PPP4R1: variants seen among roughly 807,000 people sequenced by gnomAD.
PPP4R1 encodes the protein protein phosphatase 4 regulatory subunit 1, also known as serine/threonine-protein phosphatase 4 regulatory subunit 1.
Under a neutral mutation model 111.2 loss-of-function variants are expected in PPP4R1, and 42 were observed. The observed-to-expected ratio is 0.38, with a 90% CI of 0.29 to 0.49. The LOEUF is 0.49. Among genes scored for constraint, PPP4R1 ranks in the 20% least tolerant of loss-of-function variants. PPP4R1 has a pLI of 0.97. For missense variants in PPP4R1, 1,012 were observed against 1,161.6 expected, an observed-to-expected ratio of 0.87 and a Z score of 1.87; for synonymous variants, 409 against 405.5, an observed-to-expected ratio of 1.01 and a Z score of -0.10.
chr18:9,617,081 A>G (rs2067694502), upstream of PPP4R1: 2 of 152,172 alleles, frequency 1.3e-5, no homozygotes, highest in South Asian at 4.1e-4. Flanking sequence ...TCTAAGAAAT[A>G]ATATTTAAAC....
At chr18:9,567,621 T>C (rs1255895136) in intron 11 of PPP4R1, among the ~76,000 whole-genome samples, 1 of 152,178 alleles carries the variant, frequency 6.6e-6, no homozygotes, top group African/African-American at 2.4e-5. Context: ...ATTGTTGAAA[T>C]GACAACAAAA....
chr18:9,556,654 C>G (rs1448072236), intron 15 of PPP4R1, among the ~76,000 whole-genome samples: 1 of 152,248 alleles, frequency 6.6e-6, no homozygotes, highest in Non-Finnish European at 1.5e-5. Context: ...CACAGCTCCT[C>G]TATCAAAGTA....
chr18:9,595,189 T>A, intron 2 of PPP4R1, 36 bp from the exon 3 acceptor site: 1 of 1,600,672 alleles, frequency 6.2e-7, no homozygotes, highest in Non-Finnish European at 8.5e-7. Flanking sequence ...TTATAACACT[T>A]TGAAACTAAA....
At chr18:9,548,703 G>A (rs1468569772) in intron 19 of PPP4R1, among the ~76,000 whole-genome samples, 2 of 152,134 alleles carry the variant, frequency 1.3e-5, no homozygotes, top group Non-Finnish European at 2.9e-5. Context: ...GATCACATGA[G>A]GTCAGGAGTT....
Position 9,584,585 on chromosome 18 carries a change from C to T in PPP4R1, c.694-5G>A. On this transcript the variant is annotated splice_polypyrimidine_tract_variant and splice_region_variant and intron_variant, in intron 7 of 19. Transcript: ENST00000400556. ...TCCAAAATTGGCAGCACAGACCTGA[C>T]AACAAAAGCATCATTGACATTTCAA... The T allele has an allele frequency of 6.2e-7, 1 of 1,610,750 alleles. No homozygotes were observed. The highest frequency in any genetic ancestry group is 8.5e-7 in the Non-Finnish European group (1 of 1,178,872).
intron 15 of PPP4R1, among the ~76,000 whole-genome samples, chr18:9,554,567 TA>T (rs796274028): frequency 1.1e-4 from 17 of 148,274 alleles, no homozygotes; most frequent in South Asian, 2.1e-4. Flanking sequence ...GTAATTTAAT[TA>T]AAAAAAAAAG....
chr18:9,556,435 T>C lies in PPP4R1; in HGVS notation c.2190+786A>G, dbSNP rs921346197. Among the ~76,000 whole-genome samples the C allele has an allele frequency of 5.9e-5, 9 of 152,160 alleles. No individual in the cohort carries two copies. In the South Asian group the frequency reaches 1.4e-3, roughly 25 times the overall value. Reference sequence around the variant, plus strand: ...CTCAACCTCCTGACCTCAAGTGATCTGCCCGCCTCAGCCTCCCAAAGTGCT... The same window carrying C: ...CTCAACCTCCTGACCTCAAGTGATCCGCCCGCCTCAGCCTCCCAAAGTGCT... On this transcript the variant is annotated intron_variant, in intron 15 of 19. Transcript: ENST00000400556.
At chr18:9,581,351 A>C (rs1472868303) in intron 9 of PPP4R1, among the ~76,000 whole-genome samples, 1 of 152,180 alleles carries the variant, frequency 6.6e-6, no homozygotes, top group African/African-American at 2.4e-5. Context: ...GTGCTGCATC[A>C]ACTAGAGTAT....
chr18:9,566,690 C>CGT (rs2066772881), intron 11 of PPP4R1, among the ~76,000 whole-genome samples: 2 of 136,748 alleles, frequency 1.5e-5, no homozygotes, highest in Non-Finnish European at 3.2e-5. Context: ...CACACACACA[C>CGT]ACGTTAAAAC....
Position 9,556,018 on chromosome 18 carries a change from G to A in PPP4R1, c.2190+1203C>T, listed in dbSNP as rs951906908. 3.4e-5 allele frequency among the ~76,000 whole-genome samples: 5 copies of A among 147,294 alleles called. No homozygotes were observed. The East Asian group carries it at 6.1e-4, about 18-fold the overall frequency. ...CAAACAAAAAAACACAAAATCGGCCGGGCTTAGTGGCACGCACCTGTAGTC... is the reference window on the plus strand; with the variant it reads ...CAAACAAAAAAACACAAAATCGGCCAGGCTTAGTGGCACGCACCTGTAGTC... On this transcript the variant is annotated intron_variant, in intron 15 of 19. Transcript: ENST00000400556.
chr18:9,581,168 C>CAAAAAA (rs56258469), intron 9 of PPP4R1, among the ~76,000 whole-genome samples: 1 of 138,296 alleles, frequency 7.2e-6, no homozygotes, highest in Non-Finnish European at 1.6e-5. Context: ...ACAAGGCAGG[C>CAAAAAA]AAAAAAAAAA....
In PPP4R1 at chr18:9,614,477, C is replaced by A; in HGVS notation, c.7+1G>T. On this transcript the variant is annotated splice_donor_variant, in intron 1 of 19. Coordinates refer to ENST00000400556, the MANE Select transcript of PPP4R1 (RefSeq NM_001042388.3). LOFTEE classifies it high-confidence loss of function. The surrounding 1 kb of genome is among the most constrained non-coding windows in gnomAD (Gnocchi z 4.1). Reference sequence around the variant, plus strand: ...CGCCCGGAGAACAGGGGGCCACGTACCCGCCATCTTGTGGTCGCCCCCTCC... The same window carrying A: ...CGCCCGGAGAACAGGGGGCCACGTAACCGCCATCTTGTGGTCGCCCCCTCC... 1 of 1,034,310 alleles carries A rather than the reference C, an allele frequency of 9.7e-7. No individual in the cohort carries two copies. Among genetic ancestry groups the A allele is most frequent in the Non-Finnish European group, 1.2e-6 (1 of 862,294 alleles). The allele number at this position is 1,034,310 out of a possible 1,614,324, so 64.1% of individuals were successfully genotyped here. A position where few individuals can be genotyped will look rare whatever the true frequency, so the allele number is the denominator to read the frequency against.
chr18:9,549,485 C>T (rs1433609858), intron 18 of PPP4R1, 147 bp from the exon 19 acceptor site: 1 of 929,898 alleles, frequency 1.1e-6, no homozygotes, highest in African/African-American at 1.7e-5. Context: ...GAACTCAAAT[C>T]AAAAATTACA....
chr18:9,576,749 A>AC (rs1253797248), intron 10 of PPP4R1, among the ~76,000 whole-genome samples: 11 of 70,964 alleles, frequency 1.6e-4, no homozygotes, highest in African/African-American at 6.3e-4. Flanking sequence ...TCAATGAATG[A>AC]TTGACTAAAT....
At chr18:9,607,416 T>C (rs2067499797) in intron 2 of PPP4R1, among the ~76,000 whole-genome samples, 1 of 150,810 alleles carries the variant, frequency 6.6e-6, no homozygotes, top group East Asian at 1.9e-4. Context: ...AACCGAGTAG[T>C]AGAGACATGA....
chr18:9,589,123 C>G (rs968290826), intron 4 of PPP4R1, among the ~76,000 whole-genome samples: 2 of 152,136 alleles, frequency 1.3e-5, no homozygotes, highest in Admixed American at 1.3e-4. Flanking sequence ...TAAATTTATT[C>G]ATCACCTACA....
rs2066667359 is a variant in PPP4R1 at position 9,561,124 on chromosome 18, CAGG to C, written c.1842+853_1842+855del. Among the ~76,000 whole-genome samples, 2 of 149,244 alleles carry C rather than the reference CAGG, an allele frequency of 1.3e-5. 1 individual carries two copies. The highest frequency in any genetic ancestry group is 1.3e-4 in the Admixed American group (2 of 14,898). On this transcript the variant is annotated intron_variant, in intron 13 of 19. Coordinates refer to ENST00000400556, the MANE Select transcript of PPP4R1 (RefSeq NM_001042388.3). ...GTCCCAGCTACTTGGGAGGCTGAGG[CAGG>C]AGAACTGCTTGAACCCAGGAGGCGG...
At position 9,614,170 on chromosome 18, in the gene PPP4R1, C is replaced by T; in HGVS notation, c.52+56G>A. ...CCGGCCCAGGCCTCGCCGCCGCCCG[C>T]CCTCCCCGGCCGCTCCCCGCGGACT... On this transcript the variant is annotated intron_variant, in intron 2 of 19. Coordinates refer to ENST00000400556, the MANE Select transcript of PPP4R1 (RefSeq NM_001042388.3). This position sits in a 1 kb window ranked among gnomAD's most constrained non-coding sequence, Gnocchi z 4.1. 1 of 1,286,628 alleles carries T rather than the reference C, an allele frequency of 7.8e-7. No individual in the cohort carries two copies. The highest frequency in any genetic ancestry group is 3.5e-5 in the East Asian group (1 of 28,370). The allele number at this position is 1,286,628 out of a possible 1,614,324, so 79.7% of individuals were successfully genotyped here.
At chr18:9,566,433 T>G (rs1308202704) in intron 11 of PPP4R1, among the ~76,000 whole-genome samples, 1 of 151,592 alleles carries the variant, frequency 6.6e-6, no homozygotes, top group African/African-American at 2.4e-5. Context: ...GTGGATTACC[T>G]GAGGTGAAGA....
Sources: gnomAD v4.1 joint callset for allele counts (sites outside exome capture counted in the v4.1 genomes callset) on GRCh38, gnomAD v4.1.1 for gene constraint, Gnocchi (gnomAD v3.1) non-coding constraint, MANE v1.5 for transcripts, NCBI Gene and HGNC (gene_info 2026-07-23, HGNC 2026-07-21) for gene names.